JMJD1C: variants seen among roughly 807,000 people sequenced by gnomAD.
The protein encoded by JMJD1C is jumonji domain containing 1C, also known as jumonji domain-containing protein 1C.
A neutral mutation model predicts 245.3 loss-of-function variants in JMJD1C; 31 were observed. That is an observed-to-expected ratio of 0.13 (90% CI 0.09 to 0.17). The LOEUF is 0.17. Among genes scored for constraint, JMJD1C ranks in the 10% least tolerant of loss-of-function variants. The pLI, the probability that JMJD1C is intolerant of heterozygous loss-of-function variation, is 1.00. For synonymous variants in JMJD1C, 1,057 were observed against 1,017.4 expected (o/e 1.04, Z -0.74); for missense variants, 2,691 against 3,000.2 (o/e 0.90, Z 2.41).
chr10:63,441,338 A>G (rs1182809354), intron 1 of JMJD1C, among the ~76,000 whole-genome samples: 1 of 152,206 alleles, frequency 6.6e-6, no homozygotes, highest in Non-Finnish European at 1.5e-5. Context: ...AATACTAGTT[A>G]TCAGTTATAA....
At chr10:63,392,974 G>GA (rs1948198084) in intron 1 of JMJD1C, among the ~76,000 whole-genome samples, 3 of 148,164 alleles carry the variant, frequency 2.0e-5, no homozygotes, top group South Asian at 2.2e-4. Context: ...CACCGTATAT[G>GA]AAAAAAATGA....
chr10:63,222,618 C>G, intron 3 of JMJD1C: 1 of 1,591,302 alleles, frequency 6.3e-7, no homozygotes. Flanking sequence ...AACTCACATG[C>G]TGAATTTTTG....
chr10:63,250,002 T>C (rs1852835016), intron 3 of JMJD1C, among the ~76,000 whole-genome samples: 1 of 152,202 alleles, frequency 6.6e-6, no homozygotes, highest in Non-Finnish European at 1.5e-5. Flanking sequence ...ATCTATTATG[T>C]ATTGATAATT....
intron 1 of JMJD1C, among the ~76,000 whole-genome samples, chr10:63,449,079 T>A (rs149117541): frequency 0.017 from 2,605 of 152,000 alleles, 27 homozygotes; most frequent in Non-Finnish European, 0.027. Flanking sequence ...ATCTCACCAC[T>A]GCACTCCAGC....
At chr10:63,512,065 A>C (rs954678954) in intron 1 of JMJD1C, among the ~76,000 whole-genome samples, 3 of 152,182 alleles carry the variant, frequency 2.0e-5, no homozygotes, top group Non-Finnish European at 4.4e-5. Context: ...ATATTCCTAA[A>C]TTCACTCTTT....
chr10:63,243,557 C>T (rs1258917400), intron 3 of JMJD1C, among the ~76,000 whole-genome samples: 1 of 152,102 alleles, frequency 6.6e-6, no homozygotes, highest in Non-Finnish European at 1.5e-5. Context: ...AATTTGTAAG[C>T]AACTTCTGAT....
At chr10:63,270,364 A>G (rs1251652874) in intron 2 of JMJD1C, among the ~76,000 whole-genome samples, 1 of 151,960 alleles carries the variant, frequency 6.6e-6, no homozygotes, top group East Asian at 1.9e-4. Context: ...ACAGGGTCTC[A>G]CCACATTGGC....
At chr10:63,206,084 C>T (rs1846578897) in intron 10 of JMJD1C, among the ~76,000 whole-genome samples, 1 of 152,154 alleles carries the variant, frequency 6.6e-6, no homozygotes, top group South Asian at 2.1e-4. Context: ...ATTTTGGTAT[C>T]CGTGGGGGCG....
At chr10:63,175,977 T>G (rs990125754) in intron 24 of JMJD1C, among the ~76,000 whole-genome samples, 1 of 152,174 alleles carries the variant, frequency 6.6e-6, no homozygotes, top group Non-Finnish European at 1.5e-5. Flanking sequence ...GTCTGTATAC[T>G]GTGTCCCCCC....
intron 2 of JMJD1C, among the ~76,000 whole-genome samples, chr10:63,352,442 A>G (rs1944440278): frequency 6.6e-6 from 1 of 152,120 alleles, no homozygotes; most frequent in African/African-American, 2.4e-5. Context: ...GTTAAAAACC[A>G]GCATGGCCAA....
At chr10:63,413,405 T>TTA (rs1949603415) in intron 1 of JMJD1C, among the ~76,000 whole-genome samples, 1 of 152,108 alleles carries the variant, frequency 6.6e-6, no homozygotes, top group Non-Finnish European at 1.5e-5. Flanking sequence ...TTATGACATA[T>TTA]TATAGTTTAA....
At chr10:63,254,119 A>T (rs547819858) in intron 3 of JMJD1C, among the ~76,000 whole-genome samples, 1 of 152,194 alleles carries the variant, frequency 6.6e-6, no homozygotes, top group African/African-American at 2.4e-5. Flanking sequence ...GCTTCATTTT[A>T]AAGTATTTTA....
intron 3 of JMJD1C, among the ~76,000 whole-genome samples, chr10:63,245,846 C>T (rs775265912): frequency 1.2e-4 from 18 of 152,168 alleles, no homozygotes; most frequent in Non-Finnish European, 2.1e-4. Context: ...AGAACAGACA[C>T]ACTCCAGTGA....
At chr10:63,183,605 TTA>T (rs1194957215) in intron 21 of JMJD1C, 36 bp from the exon 22 acceptor site, 3 of 1,266,374 alleles carry the variant, frequency 2.4e-6, no homozygotes, top group East Asian at 2.4e-5. Context: ...GACAAAATAT[TTA>T]TATATATGTA....
intron 12 of JMJD1C, among the ~76,000 whole-genome samples, 163 bp downstream of exon 12, chr10:63,198,350 T>C (rs894223570): frequency 6.6e-6 from 1 of 152,330 alleles, no homozygotes; most frequent in South Asian, 2.1e-4. Flanking sequence ...TCACCCTCTA[T>C]AGGAAAGTAT....
chr10:63,176,766 C>A, intron 23 of JMJD1C: 26 of 228,198 alleles, frequency 1.1e-4, no homozygotes, highest in East Asian at 1.8e-4. Context: ...ATAACTGTTT[C>A]AAAAGTATAG....
chr10:63,343,645 T>C (rs975162006), intron 2 of JMJD1C, among the ~76,000 whole-genome samples: 3 of 152,122 alleles, frequency 2.0e-5, no homozygotes, highest in Non-Finnish European at 2.9e-5. Context: ...GGACCACATA[T>C]GAAGGCAGTG....
chr10:63,382,102 T>C (rs1187720452), intron 1 of JMJD1C, among the ~76,000 whole-genome samples: 1 of 152,060 alleles, frequency 6.6e-6, no homozygotes, highest in Non-Finnish European at 1.5e-5. Flanking sequence ...TCCCAGCTAC[T>C]CAGGAAGCTG....
chr10:63,511,766 A>ATACACCAACGTTT (rs1954879958), intron 1 of JMJD1C, among the ~76,000 whole-genome samples: 1 of 152,276 alleles, frequency 6.6e-6, no homozygotes, highest in East Asian at 1.9e-4. Context: ...AACTACATAT[A>ATACACCAACGTTT]TGTAGCACCA....
Sources: gnomAD v4.1 joint callset for allele counts (sites outside exome capture counted in the v4.1 genomes callset) on GRCh38, gnomAD v4.1.1 for gene constraint, MANE v1.5 for transcripts, NCBI Gene and HGNC (gene_info 2026-07-23, HGNC 2026-07-21) for gene names.